CDK15: variants seen among roughly 807,000 people sequenced by gnomAD.
The protein encoded by CDK15 is cyclin dependent kinase 15, also known as cyclin-dependent kinase 15.
Under a neutral mutation model 60.3 loss-of-function variants are expected in CDK15, and 62 were observed. The ratio of observed to expected loss-of-function variants is 1.03; its 90% CI spans 0.84 to 1.27. The LOEUF (loss-of-function observed/expected upper bound fraction) is 1.27. CDK15 is among the 50% of genes most tolerant of loss of function. The probability of loss-of-function intolerance (pLI) is 0.00; values close to 1 mark genes in which losing one functional copy is unlikely to be tolerated. For synonymous variants in CDK15, 194 were observed against 195.7 expected, an observed-to-expected ratio of 0.99 and a Z score of 0.07; for missense variants, 541 against 527.8, an observed-to-expected ratio of 1.03 and a Z score of -0.25.
chr2:201,851,414 GTGCCTTGTCGC>G (rs1357176033), intron 9 of CDK15, among the ~76,000 whole-genome samples: 2 of 151,630 alleles, frequency 1.3e-5, no homozygotes, highest in East Asian at 3.9e-4. Context: ...CTCCAAGTTA[GTGCCTTGTCGC>G]TGCATCCTCC....
At chr2:201,814,703 A>G (rs569808322) in intron 4 of CDK15, among the ~76,000 whole-genome samples, 2 of 152,218 alleles carry the variant, frequency 1.3e-5, no homozygotes, top group Non-Finnish European at 2.9e-5. Context: ...GGAAAACTGA[A>G]CAAGTAATGC....
chr2:201,807,746 C>T, intron 2 of CDK15, 103 bp downstream of exon 2: 1 of 1,556,450 alleles, frequency 6.4e-7, no homozygotes. Flanking sequence ...CTTCCCAAGT[C>T]TGCTCTGGCA....
At chr2:201,839,195 T>G (rs914124945) in intron 8 of CDK15, among the ~76,000 whole-genome samples, 1 of 152,238 alleles carries the variant, frequency 6.6e-6, no homozygotes, top group Non-Finnish European at 1.5e-5. Flanking sequence ...TCATTTTTTT[T>G]AATGTCTATA....
chr2:201,879,651 G>A (rs1246173686), intron 11 of CDK15, among the ~76,000 whole-genome samples: 2 of 152,120 alleles, frequency 1.3e-5, no homozygotes, highest in South Asian at 2.1e-4. Flanking sequence ...GAGTTCGATC[G>A]TATTTTGAAT....
At chr2:201,825,312 CAAAAAA>C (rs200857853) in intron 6 of CDK15, among the ~76,000 whole-genome samples, 1 of 86,974 alleles carries the variant, frequency 1.1e-5, no homozygotes. Context: ...GACTCCAACT[CAAAAAA>C]AAAAAAAAAA....
intron 4 of CDK15, among the ~76,000 whole-genome samples, chr2:201,813,791 C>G (rs1337080437): frequency 6.6e-6 from 1 of 152,200 alleles, no homozygotes; most frequent in Non-Finnish European, 1.5e-5. Flanking sequence ...TTTCAAAAGT[C>G]TTTCAGAGCC....
chr2:201,857,770 G>C, intron 10 of CDK15, among the ~76,000 whole-genome samples: 1 of 152,262 alleles, frequency 6.6e-6, no homozygotes, highest in East Asian at 1.9e-4. Flanking sequence ...TGTTTTAAAA[G>C]GGTCTCCAAC....
intron 11 of CDK15, among the ~76,000 whole-genome samples, chr2:201,873,221 T>C (rs1204494118): frequency 6.6e-6 from 1 of 152,106 alleles, no homozygotes; most frequent in Non-Finnish European, 1.5e-5. Context: ...AAGAGTAAAA[T>C]AGGTTAGGAA....
intron 12 of CDK15, chr2:201,888,372 T>A: frequency 6.7e-7 from 1 of 1,493,694 alleles, no homozygotes; most frequent in South Asian, 1.3e-5. Context: ...AAGTTTTAAA[T>A]AAACTTGTCC....
intron 12 of CDK15, chr2:201,888,637 A>G (rs1699542905): frequency 1.4e-6 from 2 of 1,388,526 alleles, no homozygotes; most frequent in Non-Finnish European, 1.9e-6. Context: ...GTTGGGAAGG[A>G]GAGTCTGGCA....
At chr2:201,825,877 G>C (rs1696465078) in intron 6 of CDK15, among the ~76,000 whole-genome samples, 1 of 152,204 alleles carries the variant, frequency 6.6e-6, no homozygotes, top group African/African-American at 2.4e-5. Context: ...GTTATGAAGA[G>C]AGTGGAAGGC....
At chr2:201,888,374 A>G in intron 12 of CDK15, 2 of 1,499,134 alleles carry the variant, frequency 1.3e-6, no homozygotes, top group South Asian at 1.3e-5. Flanking sequence ...GTTTTAAATA[A>G]ACTTGTCCTG....
chr2:201,806,831 C>T, intron 1 of CDK15, 44 bp downstream of exon 1: 1 of 1,590,576 alleles, frequency 6.3e-7, no homozygotes, highest in Admixed American at 1.7e-5. Context: ...ATTGATAAAC[C>T]AAGGAGTTCA....
Position 201,829,681 on chromosome 2 carries a change from G to A in CDK15, c.607-4167G>A, listed in dbSNP as rs145862073. 2.0e-5 allele frequency among the ~76,000 whole-genome samples: 3 copies of A among 152,172 alleles called. No individual in the cohort carries two copies. In the East Asian group the frequency reaches 5.8e-4, roughly 29 times the overall value. The stretch of plus-strand genomic sequence containing the variant: ...GAATACGGTTGTTCATTAGAGCACT[G>A]TCAGTGGGTAAGATAGCTAAGGGAG... On this transcript the variant is annotated intron_variant, in intron 6 of 13. Transcript: ENST00000652192.
intron 9 of CDK15, among the ~76,000 whole-genome samples, chr2:201,850,905 C>A (rs533174631): frequency 6.6e-6 from 1 of 152,076 alleles, no homozygotes; most frequent in Non-Finnish European, 1.5e-5. Context: ...TATCTCTTGG[C>A]CATTTGTAGG....
rs753282798 is a variant in CDK15, at chr2:201,823,696, A to T, written c.575A>T (p.His192Leu). 2 of 1,613,816 alleles carry T rather than the reference A, an allele frequency of 1.2e-6. No homozygotes were observed. Among genetic ancestry groups the T allele is most frequent in the African/African-American group, 1.3e-5 (1 of 74,910 alleles). The stretch of plus-strand genomic sequence containing the variant: ...GACCTGGCCCAGTATATGTCTCAGC[A>T]TCCAGGAGGGCTTCATCCTCATAAT... ...HTDLAQYMSQ[H>L]PGGLHPHNVR... Residue 192 changes from histidine to leucine, a missense_variant, in exon 6 of 14, where the codon CAT becomes CTT. Transcript: ENST00000652192.
At chr2:201,852,151 A>C (rs1437823050) in intron 9 of CDK15, among the ~76,000 whole-genome samples, 3 of 152,066 alleles carry the variant, frequency 2.0e-5, no homozygotes, top group Non-Finnish European at 2.9e-5. Flanking sequence ...CTATTTTCAC[A>C]TTTGTTGCCT....
At chr2:201,856,288 C>G (rs1044522079) in intron 10 of CDK15, among the ~76,000 whole-genome samples, 3 of 152,192 alleles carry the variant, frequency 2.0e-5, no homozygotes, top group African/African-American at 7.2e-5. Context: ...CTTTTGCTTA[C>G]AGCTATCCAT....
At chr2:201,840,291 A>G (rs1157049732) in intron 8 of CDK15, among the ~76,000 whole-genome samples, 1 of 152,126 alleles carries the variant, frequency 6.6e-6, no homozygotes, top group African/African-American at 2.4e-5. Context: ...CCATTTTTAC[A>G]TATGTTCAAA....
Sources: allele counts gnomAD v4.1 joint callset (sites outside exome capture counted in the v4.1 genomes callset), GRCh38; gene constraint gnomAD v4.1.1; transcripts MANE v1.5; gene names NCBI Gene and HGNC (gene_info 2026-07-23, HGNC 2026-07-21).